ASIC2: variants seen among roughly 807,000 people sequenced by gnomAD.
ASIC2 encodes the protein acid-sensing ion channel 2.
ASIC2 carries 25 observed loss-of-function variants against 57.3 expected under a neutral mutation model. The observed-to-expected ratio is 0.44, with a 90% CI of 0.32 to 0.61. The LOEUF (loss-of-function observed/expected upper bound fraction) is 0.61, where lower values mean the gene tolerates loss of function less well. Ranked by LOEUF, ASIC2 falls within the 20% of genes least tolerant of loss-of-function variation. The probability of loss-of-function intolerance (pLI) is 0.06; values close to 1 mark genes in which losing one functional copy is unlikely to be tolerated. For missense variants in ASIC2, 641 were observed against 738.1 expected, an observed-to-expected ratio of 0.87 and a Z score of 1.52; for synonymous variants, 319 against 307.5, an observed-to-expected ratio of 1.04 and a Z score of -0.39.
intron 1 of ASIC2, among the ~76,000 whole-genome samples, chr17:33,632,382 G>C (rs1177030809): frequency 2.6e-5 from 4 of 152,154 alleles, no homozygotes; most frequent in African/African-American, 4.8e-5. Context: ...TCACGGTTCA[G>C]ATTAAACGTG....
chr17:33,481,505 A>G (rs990457130), intron 1 of ASIC2, among the ~76,000 whole-genome samples: 8 of 137,302 alleles, frequency 5.8e-5, no homozygotes, highest in Admixed American at 1.4e-4. Flanking sequence ...AGGTTGCTCC[A>G]TTGATCATCC....
chr17:33,348,540 G>C (rs918502916), intron 1 of ASIC2, among the ~76,000 whole-genome samples: 1 of 152,158 alleles, frequency 6.6e-6, no homozygotes, highest in Non-Finnish European at 1.5e-5. Context: ...AGTTGTTGGG[G>C]TATTTGCTGC....
At chr17:33,296,974 T>C (rs1905744529), upstream of ASIC2, among the ~76,000 whole-genome samples, 1 of 152,262 alleles carries the variant, frequency 6.6e-6, no homozygotes, top group South Asian at 2.1e-4. Context: ...CATCTTGCTG[T>C]GTTTAAAGCT....
At chr17:33,242,178 A>G (rs531176229) in intron 1 of ASIC2, among the ~76,000 whole-genome samples, 23 of 152,006 alleles carry the variant, frequency 1.5e-4, no homozygotes, top group Non-Finnish European at 2.9e-4. Flanking sequence ...TTAGCCAGGC[A>G]TGGTGGTGGG....
intron 1 of ASIC2, among the ~76,000 whole-genome samples, chr17:33,780,407 C>T (rs1345160976): frequency 6.6e-6 from 1 of 152,158 alleles, no homozygotes; most frequent in Admixed American, 6.5e-5. Context: ...ACAGTGTTCC[C>T]TAGCCCACAA....
At chr17:33,053,315 G>A (rs1168867524) in intron 3 of ASIC2, among the ~76,000 whole-genome samples, 1 of 152,190 alleles carries the variant, frequency 6.6e-6, no homozygotes, top group African/African-American at 2.4e-5. Flanking sequence ...GATATCTGTT[G>A]TATGGGAATT....
At chr17:33,801,240 T>C (rs1357419480) in intron 1 of ASIC2, among the ~76,000 whole-genome samples, 3 of 152,166 alleles carry the variant, frequency 2.0e-5, no homozygotes, top group African/African-American at 7.2e-5. Context: ...GTTCATCGTG[T>C]GATGGTAGGA....
rs563794716 is a variant in ASIC2 at position 33,567,772 on chromosome 17, G to A, written c.556-455705C>T. ...GAGTGAGTTTGGAGGTAGAGGTCAA[G>A]AGCTGGGTTAGGACCTAGAACTTGT... On this transcript the variant is annotated intron_variant, in intron 1 of 9. Coordinates refer to the ASIC2 transcript ENST00000359872. Among the ~76,000 whole-genome samples the A allele has an allele frequency of 1.3e-4, 20 of 152,254 alleles. No individual in the cohort carries two copies. The South Asian group carries it at 2.7e-3, about 21-fold the overall frequency.
At chr17:33,144,299 G>T (rs536892508) in intron 1 of ASIC2, among the ~76,000 whole-genome samples, 1 of 152,242 alleles carries the variant, frequency 6.6e-6, no homozygotes, top group Admixed American at 6.5e-5. Context: ...GGGCAGAAGA[G>T]GGGGCCCATG....
At chr17:33,017,516 C>T (rs1229854971) in intron 8 of ASIC2, 89 bp downstream of exon 8, 6 of 1,089,290 alleles carry the variant, frequency 5.5e-6, no homozygotes, top group East Asian at 2.5e-5. Flanking sequence ...GAGAGAGGCA[C>T]CGCCTTCCCT....
At chr17:33,668,173 C>A (rs910212155) in intron 1 of ASIC2, among the ~76,000 whole-genome samples, 1 of 152,116 alleles carries the variant, frequency 6.6e-6, no homozygotes, top group Admixed American at 6.5e-5. Context: ...GCTCCCATTG[C>A]TCCCCCTGCC....
chr17:33,279,002 T>C (rs535780774), intron 1 of ASIC2, among the ~76,000 whole-genome samples: 1 of 152,074 alleles, frequency 6.6e-6, no homozygotes, highest in Non-Finnish European at 1.5e-5. Flanking sequence ...GAGTTTTGCG[T>C]GGTTGAAAGG....
intron 1 of ASIC2, among the ~76,000 whole-genome samples, chr17:33,924,552 A>G (rs1335842704): frequency 6.6e-6 from 1 of 151,836 alleles, no homozygotes; most frequent in African/African-American, 2.4e-5. Context: ...TCAAATTTCC[A>G]CCTCCCAAAA....
intron 1 of ASIC2, among the ~76,000 whole-genome samples, chr17:33,592,024 G>C (rs1420546845): frequency 6.6e-6 from 1 of 152,162 alleles, no homozygotes; most frequent in Non-Finnish European, 1.5e-5. Flanking sequence ...AATGTGCAAA[G>C]TTTCCCATTC....
chr17:33,934,001 C>T (rs1252031326), intron 1 of ASIC2, among the ~76,000 whole-genome samples: 2 of 152,182 alleles, frequency 1.3e-5, no homozygotes, highest in African/African-American at 2.4e-5. Flanking sequence ...TTGATTCTTT[C>T]GGGTCAGCAG....
intron 3 of ASIC2, among the ~76,000 whole-genome samples, chr17:33,054,699 A>G (rs112951660): frequency 0.03 from 4,500 of 152,272 alleles, 208 homozygotes; most frequent in African/African-American, 0.093. Context: ...AAGTAAACAC[A>G]GCTTCGTTAT....
chr17:33,623,641 A>G (rs1905882835), intron 1 of ASIC2: 1 of 152,054 alleles, frequency 6.6e-6, no homozygotes, highest in Non-Finnish European at 1.5e-5. Context: ...CAACCTGGAA[A>G]TGTCCATGTT....
chr17:34,114,494 C>A (rs558833803), intron 1 of ASIC2, among the ~76,000 whole-genome samples: 27 of 152,240 alleles, frequency 1.8e-4, no homozygotes, highest in Non-Finnish European at 3.1e-4. Flanking sequence ...AAATAATACC[C>A]AATTGAACCT....
chr17:33,474,807 G>A (rs1209019362), intron 1 of ASIC2, among the ~76,000 whole-genome samples: 1 of 152,196 alleles, frequency 6.6e-6, no homozygotes, highest in Admixed American at 6.5e-5. Flanking sequence ...AATGCAGTAT[G>A]TACAGTGTGT....
Sources: allele counts gnomAD v4.1 joint callset (sites outside exome capture counted in the v4.1 genomes callset), GRCh38; gene constraint gnomAD v4.1.1; transcripts MANE v1.5; gene names NCBI Gene and HGNC (gene_info 2026-07-23, HGNC 2026-07-21).